DHPS: variants seen among roughly 807,000 people sequenced by gnomAD.
The protein encoded by DHPS is migration-inducing gene 13.
Under a neutral mutation model 38.7 loss-of-function variants are expected in DHPS, and 24 were observed. The ratio of observed to expected loss-of-function variants is 0.62; its 90% CI spans 0.45 to 0.87. DHPS has a LOEUF of 0.87. Ranked by LOEUF, DHPS falls within the 40% of genes least tolerant of loss-of-function variation. The pLI is 0.00. For synonymous variants in DHPS, 250 were observed against 204.4 expected (o/e 1.22, Z -1.90); for missense variants, 510 against 497.6 (o/e 1.02, Z -0.24).
intron 1 of DHPS, chr19:12,681,109 G>T: frequency 7.8e-7 from 1 of 1,277,090 alleles, no homozygotes; most frequent in Non-Finnish European, 1.0e-6. Flanking sequence ...TGGGATTATA[G>T]GCATGCGCCA....
At chr19:12,681,321 C>T in intron 1 of DHPS, 1 of 1,109,658 alleles carries the variant, frequency 9.0e-7, no homozygotes, top group Non-Finnish European at 1.2e-6. Flanking sequence ...CCCGCCCCCA[C>T]ACCAAGAATC....
downstream of DHPS, among the ~76,000 whole-genome samples, chr19:12,674,249 G>A (rs1413987245): frequency 6.6e-6 from 1 of 152,166 alleles, no homozygotes; most frequent in Non-Finnish European, 1.5e-5. Context: ...TCAAGAAACT[G>A]GAGCTACATC....
chr19:12,681,186 C>T, intron 1 of DHPS: 2 of 1,235,938 alleles, frequency 1.6e-6, no homozygotes, highest in South Asian at 2.8e-5. Context: ...CGGTCCCTTC[C>T]CCGCTGGGAA....
chr19:12,681,788 G>C lies in DHPS; in HGVS notation c.-22C>G, dbSNP rs1420879803. 2.8e-5 allele frequency: 45 copies of C among 1,598,580 alleles called. No homozygotes were observed. Among genetic ancestry groups the C allele is most frequent in the Non-Finnish European group, 3.3e-5 (39 of 1,176,802 alleles). ...CCATGCGCCTATAGCCGGCTCTCGA[G>C]TCAAAGCTGCCCCTAGGCCGGGCTT... On this transcript the variant is annotated 5_prime_UTR_variant, in exon 1 of 9. Coordinates refer to ENST00000210060, the MANE Select transcript of DHPS (RefSeq NM_001930.4).
At position 12,675,740 on chromosome 19, in the gene DHPS, T is replaced by C. The variant is rs866596565; in HGVS notation, c.*98A>G. On this transcript the variant is annotated 3_prime_UTR_variant, in exon 9 of 9. Coordinates refer to ENST00000210060, the MANE Select transcript of DHPS (RefSeq NM_001930.4). ...CATGGAAGGACTTCAGATACCATCT[T>C]ATTCTAGAGACGTAGCTGACCAAAA... 3 of 1,578,748 alleles carry C rather than the reference T, an allele frequency of 1.9e-6. No individual in the cohort carries two copies. The South Asian group carries it at 3.4e-5, about 18-fold the overall frequency.
intron 5 of DHPS, 130 bp downstream of exon 5, chr19:12,679,327 G>A (rs1009748949): frequency 5.6e-6 from 5 of 892,694 alleles, no homozygotes; most frequent in Non-Finnish European, 7.2e-6. Context: ...ACGCCTATCT[G>A]TGTTTGAGTC....
chr19:12,679,722 G>C lies in DHPS; in HGVS notation c.495-3C>G, dbSNP rs780779762. The C allele has an allele frequency of 1.2e-6, 2 of 1,614,064 alleles. No individual in the cohort carries two copies. The highest frequency in any genetic ancestry group is 2.7e-5 in the African/African-American group (2 of 74,924). The stretch of plus-strand genomic sequence containing the variant: ...TGGGCACCAGCAGGTTTCCGATCCT[G>C]AGAACAGGAGGCATGTAGGCATCAG... On this transcript the variant is annotated splice_region_variant and splice_polypyrimidine_tract_variant and intron_variant, in intron 3 of 8. Transcript: ENST00000210060.
chr19:12,677,366 T>C lies in DHPS; in HGVS notation c.709A>G (p.Thr237Ala), dbSNP rs764549648. ...ATCATGTCGCCCAGCGAGCCGTCTG[T>C]AAGTGCGGGACTAAACACAGGGATG... ...NHIPVFSPAL[T>A]DGSLGDMIFF... Residue 237 changes from threonine to alanine, a missense_variant, in exon 6 of 9, where the codon ACA becomes GCA. Physicochemically the swap from Thr to Ala is moderately conservative, Grantham distance 58. Coordinates refer to ENST00000210060, the MANE Select transcript of DHPS (RefSeq NM_001930.4). The C allele has an allele frequency of 6.2e-7, 1 of 1,614,142 alleles. No individual in the cohort carries two copies. The highest frequency in any genetic ancestry group is 1.1e-5 in the South Asian group (1 of 91,070).
Position 12,679,673 on chromosome 19 carries a change from C to T in DHPS, c.541G>A (p.Asp181Asn). 6.2e-7 allele frequency: 1 copy of T among 1,614,188 alleles called. No individual in the cohort carries two copies. Among genetic ancestry groups the T allele is most frequent in the Non-Finnish European group, 8.5e-7 (1 of 1,180,034 alleles). Residue 181 changes from aspartate (D) to asparagine (N), a missense_variant, in exon 4 of 9, where the codon GAC (aspartate) becomes AAC (asparagine). Coordinates refer to ENST00000210060, the MANE Select transcript of DHPS (RefSeq NM_001930.4). The part of the protein sequence containing the change: ...VPNENYCKFE[D>N]WLMPILDQMV... ...TGGTCCAGAATGGGCATCAGCCAGT[C>T]CTCAAACTTGCAGTAATTCTCATTG...
chr19:12,681,304 C>T (rs2024802203), intron 1 of DHPS: 6 of 1,211,858 alleles, frequency 5.0e-6, no homozygotes, highest in Non-Finnish European at 4.4e-6. Context: ...TTTAAATGTA[C>T]CTAGAACCCG....
At chr19:12,675,662 G>A (rs1461917832), downstream of DHPS, 2 of 1,600,756 alleles carry the variant, frequency 1.2e-6, no homozygotes, top group Non-Finnish European at 1.7e-6. Flanking sequence ...GCAGAGGATG[G>A]AGCAGGCTGA....
chr19:12,677,508 C>T (rs922090415), intron 5 of DHPS, 112 bp from the exon 6 acceptor site: 5 of 816,278 alleles, frequency 6.1e-6, no homozygotes, highest in East Asian at 2.7e-5. Flanking sequence ...ACTGTTTCCT[C>T]AATTATAAGC....
intron 5 of DHPS, among the ~76,000 whole-genome samples, chr19:12,678,822 G>A (rs1240089715): frequency 7.9e-6 from 1 of 127,296 alleles, no homozygotes; most frequent in Admixed American, 8.1e-5. Flanking sequence ...TTTTTTTTCA[G>A]GTTCTGATTC....
intron 1 of DHPS, chr19:12,681,288 G>A (rs2024801321): frequency 7.7e-7 from 1 of 1,297,646 alleles, no homozygotes; most frequent in South Asian, 1.6e-5. Context: ...GCCCATTCCA[G>A]AAAGCTTTAA....
chr19:12,679,605 A>G lies in DHPS; in HGVS notation c.591+18T>C. The G allele has an allele frequency of 1.9e-6, 3 of 1,614,116 alleles. No homozygotes were observed. The highest frequency in any genetic ancestry group is 2.2e-5 in the East Asian group (1 of 44,880). On this transcript the variant is annotated intron_variant, in intron 4 of 8. Transcript: ENST00000210060. ...TGACTCCCACTGAACTGGCCCCTCC[A>G]GGTTGCCCCAGCCCCACCTCTGTGT... is the stretch of plus-strand genomic sequence containing the variant.
rs1599387428 is a variant in DHPS, at chr19:12,681,839, C to T, written c.-73G>A. ...ACGGCGGCCCAGAAACGCGTTAAACCCCGACGCGCGCGTCTCCGCAAGAGC... is the reference window on the plus strand; with the variant it reads ...ACGGCGGCCCAGAAACGCGTTAAACTCCGACGCGCGCGTCTCCGCAAGAGC... On this transcript the variant is annotated 5_prime_UTR_variant, in exon 1 of 9. Coordinates refer to ENST00000210060, the MANE Select transcript of DHPS (RefSeq NM_001930.4). 2 of 1,344,834 alleles carry T rather than the reference C, an allele frequency of 1.5e-6. No individual in the cohort carries two copies. Among genetic ancestry groups the T allele is most frequent in the South Asian group, 1.2e-5 (1 of 82,804 alleles). 83.3% of individuals were successfully genotyped at this position (1,344,834 alleles called of 1,614,324 possible).
rs1287336615 is a variant in DHPS, at chr19:12,677,396, T to C, written c.679A>G (p.Asn227Asp). Residue 227 changes from asparagine to aspartate, a missense_variant and splice_region_variant, in exon 6 of 9, where the codon AAC becomes GAC. Transcript: ENST00000210060. ...PESVYYWAQK[N>D]HIPVFSPALT... ...GCGGGACTAAACACAGGGATGTGGTTCTGCAGAGAACATGACAGGACAGTG... is the reference window on the plus strand; with the variant it reads ...GCGGGACTAAACACAGGGATGTGGTCCTGCAGAGAACATGACAGGACAGTG... 6.2e-7 allele frequency: 1 copy of C among 1,613,400 alleles called. No homozygotes were observed. The highest frequency in any genetic ancestry group is 1.1e-5 in the South Asian group (1 of 90,968).
intron 5 of DHPS, among the ~76,000 whole-genome samples, chr19:12,678,372 C>G (rs1048752092): frequency 4.6e-5 from 7 of 152,118 alleles, no homozygotes; most frequent in African/African-American, 1.7e-4. Context: ...CAGGCTGAGG[C>G]AGGAGAATCG....
intron 6 of DHPS, 39 bp from the exon 7 acceptor site, chr19:12,677,250 C>T: frequency 8.7e-6 from 14 of 1,613,916 alleles, no homozygotes; most frequent in African/African-American, 1.3e-5. Flanking sequence ...TGGACTCAGC[C>T]AGCCCTCCTT....
Sources: gnomAD v4.1 joint callset for allele counts (sites outside exome capture counted in the v4.1 genomes callset) on GRCh38, gnomAD v4.1.1 for gene constraint, MANE v1.5 for transcripts, NCBI Gene and HGNC (gene_info 2026-07-23, HGNC 2026-07-21) for gene names.